Variants in BNC2 observed in about 807,000 individuals in gnomAD.
BNC2 encodes the protein basonuclin zinc finger protein 2.
In BNC2, 20 loss-of-function variants were observed where a neutral mutation model predicts 76.3. The ratio of observed to expected loss-of-function variants is 0.26; its 90% CI spans 0.18 to 0.38. The LOEUF (loss-of-function observed/expected upper bound fraction) is 0.38, where lower values mean the gene tolerates loss of function less well. Among genes scored for constraint, BNC2 ranks in the 10% least tolerant of loss-of-function variants. BNC2 has a pLI of 1.00. For missense variants in BNC2, 1,382 were observed against 1,399.8 expected (o/e 0.99, Z 0.20); for synonymous variants, 582 against 514.8 (o/e 1.13, Z -1.77).
chr9:16,478,198 C>A (rs1405428466), intron 5 of BNC2, among the ~76,000 whole-genome samples: 3 of 152,150 alleles, frequency 2.0e-5, no homozygotes, highest in African/African-American at 7.2e-5. Context: ...GCTTCCTGGT[C>A]CACGTGGAAG....
At chr9:16,647,443 G>A (rs1328037173) in intron 3 of BNC2, among the ~76,000 whole-genome samples, 3 of 152,182 alleles carry the variant, frequency 2.0e-5, no homozygotes, top group Non-Finnish European at 4.4e-5. Context: ...GGTTAGCTAT[G>A]TGGCTCAGGG....
chr9:16,648,867 G>C (rs908797570), intron 3 of BNC2, among the ~76,000 whole-genome samples: 1 of 152,190 alleles, frequency 6.6e-6, no homozygotes, highest in South Asian at 2.1e-4. Context: ...CTCTAAAGGT[G>C]ACCATGCACA....
chr9:16,691,461 A>C (rs1823160068), intron 3 of BNC2, among the ~76,000 whole-genome samples: 1 of 150,944 alleles, frequency 6.6e-6, no homozygotes, highest in Non-Finnish European at 1.5e-5. Flanking sequence ...GGAGAAAATG[A>C]GAATGAAGTC....
chr9:16,451,994 G>A (rs1307678636), intron 5 of BNC2, among the ~76,000 whole-genome samples: 1 of 152,218 alleles, frequency 6.6e-6, no homozygotes, highest in Non-Finnish European at 1.5e-5. Context: ...GGAGGCTAAA[G>A]TGTAAGTAGC....
chr9:16,532,934 G>T (rs776940544), intron 5 of BNC2, among the ~76,000 whole-genome samples: 12 of 152,262 alleles, frequency 7.9e-5, no homozygotes, highest in Non-Finnish European at 1.8e-4. Context: ...GGGTTGGCTG[G>T]TTGCTTGGTT....
intron 1 of BNC2, among the ~76,000 whole-genome samples, chr9:16,802,260 A>G (rs978005394): frequency 6.6e-6 from 1 of 152,238 alleles, no homozygotes; most frequent in Non-Finnish European, 1.5e-5. Flanking sequence ...AGAAACCATT[A>G]GAGGGCTCCT....
At chr9:16,457,081 A>T (rs1273818987) in intron 5 of BNC2, among the ~76,000 whole-genome samples, 3 of 152,184 alleles carry the variant, frequency 2.0e-5, no homozygotes, top group Admixed American at 2.0e-4. Context: ...ATGGTAGTGG[A>T]GAACAATAAA....
chr9:16,590,556 T>A (rs1819897085), intron 3 of BNC2, among the ~76,000 whole-genome samples: 1 of 151,730 alleles, frequency 6.6e-6, no homozygotes, highest in South Asian at 2.1e-4. Flanking sequence ...GGCTCATGCC[T>A]GTAATCTCAG....
intron 3 of BNC2, among the ~76,000 whole-genome samples, chr9:16,706,481 C>A (rs1352462607): frequency 6.6e-6 from 1 of 152,100 alleles, no homozygotes; most frequent in Non-Finnish European, 1.5e-5. Flanking sequence ...AGGCCATGTC[C>A]CCTTTCAGTA....
At chr9:16,612,179 T>C (rs1361311720) in intron 3 of BNC2, among the ~76,000 whole-genome samples, 1 of 152,082 alleles carries the variant, frequency 6.6e-6, no homozygotes, top group Non-Finnish European at 1.5e-5. Flanking sequence ...CATCTGGAGA[T>C]AGTTTAGTAT....
chr9:16,815,582 T>C (rs1818163935), intron 1 of BNC2, among the ~76,000 whole-genome samples: 1 of 152,184 alleles, frequency 6.6e-6, no homozygotes, highest in Non-Finnish European at 1.5e-5. Flanking sequence ...TGGTGATGAG[T>C]GGCGGATCCA....
intron 1 of BNC2, among the ~76,000 whole-genome samples, chr9:16,773,538 C>A (rs946517550): frequency 8.0e-5 from 12 of 149,070 alleles, no homozygotes; most frequent in African/African-American, 3.0e-4. Context: ...AGGTGAGGGA[C>A]AGTGCAATAA....
chr9:16,816,676 G>A (rs941464811), intron 1 of BNC2, among the ~76,000 whole-genome samples: 1 of 152,122 alleles, frequency 6.6e-6, no homozygotes, highest in African/African-American at 2.4e-5. Context: ...TTAATCTCAA[G>A]GGCAAACAGG....
At chr9:16,810,394 C>G (rs1818016786) in intron 1 of BNC2, among the ~76,000 whole-genome samples, 1 of 152,194 alleles carries the variant, frequency 6.6e-6, no homozygotes, top group South Asian at 2.1e-4. Context: ...CCAGTCCTCA[C>G]CTGGATACCC....
rs548804216 is a variant in BNC2 at position 16,676,872 on chromosome 9, G to C, written c.330+50925C>G. Among the ~76,000 whole-genome samples, 9 of 152,254 alleles carry C rather than the reference G, an allele frequency of 5.9e-5. No individual in the cohort carries two copies. In the South Asian group the frequency reaches 6.2e-4, roughly 11 times the overall value. On this transcript the variant is annotated intron_variant, in intron 3 of 6. Transcript: ENST00000380672. ...AACACACTTCTGAAAGAAAGCACAA[G>C]TCACTGTTGAAGATATTATCATTTT...
At position 16,418,874 on chromosome 9, in the gene BNC2, C is replaced by CACACACAG. The variant is rs1820647188; in HGVS notation, c.*114_*115insCTGTGTGT. 3 of 503,884 alleles carry CACACACAG rather than the reference C, an allele frequency of 6.0e-6. No individual in the cohort carries two copies. The highest frequency in any genetic ancestry group is 1.1e-4 in the African/African-American group (2 of 18,904). 31.2% of individuals were successfully genotyped at this position (503,884 alleles called of 1,614,324 possible). ...TGTAGCCACAGAGCATACATAAATG[C>CACACACAG]ACACACACACACACACACACACACA... is the stretch of plus-strand genomic sequence containing the variant. On this transcript the variant is annotated 3_prime_UTR_variant, in exon 7 of 7. Coordinates refer to ENST00000380672, the MANE Select transcript of BNC2 (RefSeq NM_017637.6).
intron 5 of BNC2, among the ~76,000 whole-genome samples, chr9:16,501,862 A>T (rs2131790248): frequency 6.6e-6 from 1 of 152,318 alleles, no homozygotes; most frequent in South Asian, 2.1e-4. Flanking sequence ...ACACCCACAG[A>T]AAACTACAGC....
At chr9:16,723,390 G>GT (rs1824222612) in intron 3 of BNC2, among the ~76,000 whole-genome samples, 1 of 151,822 alleles carries the variant, frequency 6.6e-6, no homozygotes, top group South Asian at 2.1e-4. Flanking sequence ...AAAATGCGTT[G>GT]TATGAACTAT....
chr9:16,455,432 G>T (rs1450694370), intron 5 of BNC2, among the ~76,000 whole-genome samples: 3 of 152,210 alleles, frequency 2.0e-5, no homozygotes, highest in Non-Finnish European at 4.4e-5. Flanking sequence ...AATACACAGA[G>T]TGGGGGGAGT....
Sources: allele counts gnomAD v4.1 joint callset (sites outside exome capture counted in the v4.1 genomes callset), GRCh38; gene constraint gnomAD v4.1.1; transcripts MANE v1.5; gene names NCBI Gene and HGNC (gene_info 2026-07-23, HGNC 2026-07-21).